The following KCNJ16 variants were observed in gnomAD, a reference collection of about 807,000 sequenced individuals.
KCNJ16 encodes potassium inwardly rectifying channel subfamily J member 16.
Under a neutral mutation model 18.5 loss-of-function variants are expected in KCNJ16, and 15 were observed. The observed-to-expected ratio is 0.81, with a 90% CI of 0.54 to 1.25. The LOEUF is 1.25. Ranked by LOEUF, KCNJ16 falls within the 50% of genes most tolerant of loss-of-function variation. The pLI, the probability that KCNJ16 is intolerant of heterozygous loss-of-function variation, is 0.00. For synonymous variants in KCNJ16, 174 were observed against 186.5 expected (o/e 0.93, Z 0.55); for missense variants, 523 against 525.7 (o/e 0.99, Z 0.05).
intron 2 of KCNJ16, among the ~76,000 whole-genome samples, chr17:70,121,734 A>G (rs2073647265): frequency 6.6e-6 from 1 of 152,184 alleles, no homozygotes; most frequent in Non-Finnish European, 1.5e-5. Flanking sequence ...GTTCAAGACC[A>G]GCTTGGCCAA....
intron 1 of KCNJ16, among the ~76,000 whole-genome samples, chr17:70,083,965 A>G (rs1487390335): frequency 1.3e-5 from 2 of 152,150 alleles, no homozygotes; most frequent in Admixed American, 6.5e-5. Flanking sequence ...CTCCAACTTC[A>G]TAACAGGGGT....
chr17:70,079,982 C>T (rs555082707), intron 1 of KCNJ16, among the ~76,000 whole-genome samples: 103 of 152,234 alleles, frequency 6.8e-4, no homozygotes, highest in Non-Finnish European at 1.4e-3. Context: ...GGATTACAGG[C>T]GTGAGCAACC....
At chr17:70,088,682 T>A (rs1353701681) in intron 1 of KCNJ16, among the ~76,000 whole-genome samples, 1 of 152,164 alleles carries the variant, frequency 6.6e-6, no homozygotes, top group African/African-American at 2.4e-5. Context: ...ACTTTGGCTA[T>A]ATTCAAAATG....
rs147722738 is a variant in KCNJ16, at chr17:70,093,925, T to C, written c.-299-6733T>C. Among the ~76,000 whole-genome samples, 7 of 146,606 alleles carry C rather than the reference T, an allele frequency of 4.8e-5. No individual in the cohort carries two copies. The East Asian group carries it at 1.4e-3, about 29-fold the overall frequency. On this transcript the variant is annotated intron_variant, in intron 1 of 3. Transcript: ENST00000392671. Reference sequence around the variant, plus strand: ...CGATCTTAGTACAGATAACAAAAAATAGAACATGTTTCACAAGGAGTAAGG... The same window carrying C: ...CGATCTTAGTACAGATAACAAAAAACAGAACATGTTTCACAAGGAGTAAGG...
chr17:70,102,735 G>A (rs1188451091), intron 2 of KCNJ16, among the ~76,000 whole-genome samples: 1 of 152,020 alleles, frequency 6.6e-6, no homozygotes, highest in African/African-American at 2.4e-5. Context: ...CTCTCTGTAG[G>A]CTTTCTGCAT....
intron 1 of KCNJ16, among the ~76,000 whole-genome samples, chr17:70,078,069 A>AT (rs1163914716): frequency 6.6e-6 from 1 of 152,040 alleles, no homozygotes; most frequent in Non-Finnish European, 1.5e-5. Flanking sequence ...GGATGACTTT[A>AT]TTTTTTTGTA....
chr17:70,113,195 G>T (rs2073260099), intron 2 of KCNJ16, among the ~76,000 whole-genome samples: 1 of 152,188 alleles, frequency 6.6e-6, no homozygotes, highest in South Asian at 2.1e-4. Context: ...AAATCAAGAA[G>T]TAACCACCCA....
intron 1 of KCNJ16, among the ~76,000 whole-genome samples, chr17:70,082,439 T>A (rs934416165): frequency 6.6e-6 from 1 of 152,178 alleles, no homozygotes; most frequent in East Asian, 1.9e-4. Flanking sequence ...ATTCTAATAC[T>A]GAACTCCTTC....
At chr17:70,086,792 G>C (rs1411428728) in intron 1 of KCNJ16, among the ~76,000 whole-genome samples, 1 of 152,052 alleles carries the variant, frequency 6.6e-6, no homozygotes. Context: ...TTCTTGTTTT[G>C]TGCATTGTTG....
chr17:70,088,714 G>T (rs756973358), intron 1 of KCNJ16, among the ~76,000 whole-genome samples: 32 of 151,762 alleles, frequency 2.1e-4, no homozygotes, highest in Non-Finnish European at 4.1e-4. Flanking sequence ...CCATTGAAAA[G>T]AAATCAAATA....
At chr17:70,116,165 T>C (rs543480169) in intron 2 of KCNJ16, among the ~76,000 whole-genome samples, 1 of 152,322 alleles carries the variant, frequency 6.6e-6, no homozygotes, top group Admixed American at 6.5e-5. Flanking sequence ...TCTCCATTTT[T>C]AAATATATTT....
chr17:70,119,561 C>T (rs2073548011), intron 2 of KCNJ16, among the ~76,000 whole-genome samples: 1 of 152,348 alleles, frequency 6.6e-6, no homozygotes, highest in South Asian at 2.1e-4. Flanking sequence ...CTTAACACCA[C>T]ATAGAAGTCA....
rs1408235368 is a variant in KCNJ16, at chr17:70,078,672, C to A, written c.-300+3282C>A. On this transcript the variant is annotated intron_variant, in intron 1 of 3. Coordinates refer to ENST00000392671, the MANE Select transcript of KCNJ16 (RefSeq NM_170741.4). Reference sequence around the variant, plus strand: ...AAACATTTATTAAGTACCACTGTACCGGACAGTCTGGGGACAAAGATAACA... The same window carrying A: ...AAACATTTATTAAGTACCACTGTACAGGACAGTCTGGGGACAAAGATAACA... Among the ~76,000 whole-genome samples the A allele has an allele frequency of 2.6e-5, 4 of 152,188 alleles. No homozygotes were observed. In the East Asian group the frequency reaches 5.8e-4, roughly 22 times the overall value.
intron 1 of KCNJ16, among the ~76,000 whole-genome samples, chr17:70,090,351 T>C (rs2072028417): frequency 1.3e-5 from 2 of 152,196 alleles, no homozygotes; most frequent in Admixed American, 1.3e-4. Flanking sequence ...CAGATCACCT[T>C]TGTTACATTT....
intron 2 of KCNJ16, among the ~76,000 whole-genome samples, chr17:70,115,175 C>T (rs191027550): frequency 1.3e-5 from 2 of 152,216 alleles, no homozygotes; most frequent in African/African-American, 4.8e-5. Flanking sequence ...GAGGACCAAT[C>T]AAATCAGGAT....
chr17:70,106,359 T>C (rs1398528789), intron 2 of KCNJ16, among the ~76,000 whole-genome samples: 3 of 152,236 alleles, frequency 2.0e-5, no homozygotes, highest in Non-Finnish European at 4.4e-5. Context: ...TTTACTAGTA[T>C]CTATATCTTA....
chr17:70,087,323 G>C (rs1281317653), intron 1 of KCNJ16, among the ~76,000 whole-genome samples: 1 of 152,002 alleles, frequency 6.6e-6, no homozygotes, highest in Non-Finnish European at 1.5e-5. Flanking sequence ...CAAATTCCAG[G>C]GTTTCAATTC....
chr17:70,131,083 C>T (rs1050817603), intron 3 of KCNJ16, 108 bp downstream of exon 3: 17 of 1,184,874 alleles, frequency 1.4e-5, no homozygotes, highest in South Asian at 9.1e-5. Context: ...ACTGAAAAGC[C>T]GGAGAGAAGG....
chr17:70,127,808 A>C (rs1214053793), intron 2 of KCNJ16, among the ~76,000 whole-genome samples: 1 of 152,232 alleles, frequency 6.6e-6, no homozygotes, highest in African/African-American at 2.4e-5. Context: ...TTCATGTGTT[A>C]ACTACCTCAG....
Sources: gnomAD v4.1 joint callset for allele counts (sites outside exome capture counted in the v4.1 genomes callset) on GRCh38, gnomAD v4.1.1 for gene constraint, MANE v1.5 for transcripts, NCBI Gene and HGNC (gene_info 2026-07-23, HGNC 2026-07-21) for gene names.